MGAM: variants seen among roughly 807,000 people sequenced by gnomAD.
MGAM encodes the protein maltase-glucoamylase.
In MGAM, 253 loss-of-function variants were observed where a neutral mutation model predicts 358.8. The observed-to-expected ratio is 0.71, with a 90% CI of 0.64 to 0.78. The LOEUF (loss-of-function observed/expected upper bound fraction) is 0.78, where lower values mean the gene tolerates loss of function less well. Ranked by LOEUF, MGAM falls within the 30% of genes least tolerant of loss-of-function variation. MGAM has a pLI of 0.00. For synonymous variants in MGAM, 1,105 were observed against 1,227.1 expected (o/e 0.90, Z 2.08); for missense variants, 3,080 against 3,432.6 (o/e 0.90, Z 2.57).
upstream of MGAM, among the ~76,000 whole-genome samples, chr7:141,990,960 G>A (rs1287649179): frequency 1.3e-5 from 2 of 151,928 alleles, no homozygotes; most frequent in East Asian, 1.9e-4. Context: ...CTTTAGCATC[G>A]TAGCCATTTG....
At chr7:142,031,338 T>C (rs139040658) in intron 12 of MGAM, among the ~76,000 whole-genome samples, 280 of 152,306 alleles carry the variant, frequency 1.8e-3, no homozygotes, top group African/African-American at 6.4e-3. Flanking sequence ...CCACAGCTTA[T>C]AGTGGACTAG....
At chr7:142,050,572 A>G in intron 23 of MGAM, 125 bp from the exon 24 acceptor site, 2 of 1,016,632 alleles carry the variant, frequency 2.0e-6, no homozygotes, top group South Asian at 2.9e-5. Flanking sequence ...ACACACTAGT[A>G]GAGAAAGCAG....
chr7:142,008,303 TAGA>T (rs1805324137), intron 2 of MGAM, among the ~76,000 whole-genome samples, 200 bp from the exon 3 acceptor site: 1 of 151,678 alleles, frequency 6.6e-6, no homozygotes, highest in South Asian at 2.1e-4. Context: ...GAGTTGGGAG[TAGA>T]AGGAGATGAT....
At chr7:142,015,635 A>G (rs1805907362) in intron 3 of MGAM, among the ~76,000 whole-genome samples, 1 of 151,864 alleles carries the variant, frequency 6.6e-6, no homozygotes, top group African/African-American at 2.4e-5. Flanking sequence ...CATTGTTTTC[A>G]GTCTTGTACA....
chr7:141,998,556 T>C (rs1185604876), intron 1 of MGAM, among the ~76,000 whole-genome samples: 2 of 152,184 alleles, frequency 1.3e-5, no homozygotes, highest in Admixed American at 1.3e-4. Flanking sequence ...GGCTTCCAGT[T>C]TCATCCATGT....
intron 7 of MGAM, among the ~76,000 whole-genome samples, chr7:142,023,089 T>A (rs1396587770): frequency 6.6e-6 from 1 of 152,020 alleles, no homozygotes; most frequent in African/African-American, 2.4e-5. Flanking sequence ...TGAGATGGGG[T>A]CTCACTGTCA....
rs377157038 is a variant in MGAM at position 142,030,698 on chromosome 7, G to A, written c.1411G>A (p.Gly471Ser). 7 of 1,613,224 alleles carry A rather than the reference G, an allele frequency of 4.3e-6. No homozygotes were observed. The highest frequency in any genetic ancestry group is 5.9e-6 in the Non-Finnish European group (7 of 1,179,480). ...SSKPYGPYDR[G>S]SDMKIWVNSS... ...TAAACCCTATGGCCCATATGACAGG[G>A]GTTCAGATATGAAGATATGGGTGAA... Residue 471 changes from glycine (G) to serine (S), a missense_variant, in exon 12 of 71, where the codon GGT becomes AGT. Transcript: ENST00000475668.
chr7:142,022,574 A>G (rs894668969), intron 7 of MGAM, 135 bp downstream of exon 7: 15 of 937,918 alleles, frequency 1.6e-5, no homozygotes, highest in African/African-American at 1.5e-4. Flanking sequence ...TAGTCTTGCT[A>G]TTCACCAGTT....
intron 21 of MGAM, among the ~76,000 whole-genome samples, chr7:142,046,177 G>C (rs1051559511): frequency 4.3e-5 from 6 of 138,868 alleles, no homozygotes; most frequent in Non-Finnish European, 7.7e-5. Flanking sequence ...GTTTTGTTTT[G>C]TTTTTTGCTC....
intron 57 of MGAM, among the ~76,000 whole-genome samples, chr7:142,090,070 C>G (rs1230747014): frequency 6.9e-6 from 1 of 145,908 alleles, no homozygotes; most frequent in Non-Finnish European, 1.6e-5. Context: ...AAAAAGAGTG[C>G]TAGGTGATCC....
chr7:142,059,448 T>C (rs1460051176), intron 31 of MGAM, 24 bp from the exon 32 acceptor site: 1 of 1,600,990 alleles, frequency 6.2e-7, no homozygotes, highest in Non-Finnish European at 8.5e-7. Context: ...CAGCAGCCTC[T>C]CAGCTCCCCA....
rs886483308 is a variant in MGAM at position 142,027,813 on chromosome 7, T to C, written c.1221+78T>C. On this transcript the variant is annotated intron_variant, in intron 10 of 70. Coordinates refer to ENST00000475668, the MANE Select transcript of MGAM (RefSeq NM_001365693.1). ...AAAGAAAAACTGTTTATATTTTCTC[T>C]CCCTGAGTTTAATTGATTTATTTAT... is the stretch of plus-strand genomic sequence containing the variant. The C allele has an allele frequency of 2.6e-5, 35 of 1,366,248 alleles. No individual in the cohort carries two copies. The East Asian group carries it at 9.0e-4, about 35-fold the overall frequency. 84.6% of individuals were successfully genotyped at this position (1,366,248 alleles called of 1,614,324 possible). A position where few individuals can be genotyped will look rare whatever the true frequency, so the allele number is the denominator to read the frequency against.
intron 12 of MGAM, among the ~76,000 whole-genome samples, 165 bp from the exon 13 acceptor site, chr7:142,031,515 A>G (rs563216284): frequency 6.6e-6 from 1 of 152,304 alleles, no homozygotes; most frequent in Non-Finnish European, 1.5e-5. Context: ...TGACCCTGGC[A>G]TTTATTTTAA....
At chr7:141,999,338 T>C (rs1804543558) in intron 1 of MGAM, among the ~76,000 whole-genome samples, 1 of 152,194 alleles carries the variant, frequency 6.6e-6, no homozygotes, top group Non-Finnish European at 1.5e-5. Context: ...TTTTATTTGA[T>C]AAAACTATAA....
chr7:142,045,137 A>G (rs1809910534), intron 21 of MGAM, among the ~76,000 whole-genome samples: 1 of 66,804 alleles, frequency 1.5e-5, no homozygotes, highest in South Asian at 4.4e-4. Flanking sequence ...TAATATGTAT[A>G]TTATATATCA....
At chr7:142,018,413 C>G (rs1806139747) in intron 3 of MGAM, among the ~76,000 whole-genome samples, 1 of 152,216 alleles carries the variant, frequency 6.6e-6, no homozygotes, top group Non-Finnish European at 1.5e-5. Context: ...AAGACAGAAA[C>G]TTCAATCTTT....
chr7:142,042,148 TAA>T (rs1491367345), intron 21 of MGAM, among the ~76,000 whole-genome samples: 1 of 47,588 alleles, frequency 2.1e-5, no homozygotes, highest in East Asian at 7.3e-4. Context: ...ATATAACATA[TAA>T]TATATATACA....
At chr7:142,072,170 A>T (rs1345024199) in intron 44 of MGAM, among the ~76,000 whole-genome samples, 1 of 146,050 alleles carries the variant, frequency 6.8e-6, no homozygotes, top group Non-Finnish European at 1.5e-5. Context: ...AAAGTCTTTC[A>T]TTAATAGGGT....
chr7:142,083,293 A>G lies in MGAM; in HGVS notation c.6269-8A>G, dbSNP rs771922101. ...TCCAGCTTGATTAGCATTTTTCTTC[A>G]TTTTCAGATGTGACGTTCCAGCCCC... On this transcript the variant is annotated splice_region_variant and splice_polypyrimidine_tract_variant and intron_variant, in intron 52 of 70. Coordinates refer to ENST00000475668, the MANE Select transcript of MGAM (RefSeq NM_001365693.1). The G allele has an allele frequency of 7.2e-6, 11 of 1,536,746 alleles. No individual in the cohort carries two copies. In the African/African-American group the frequency reaches 1.5e-4, roughly 21 times the overall value.
Sources: gnomAD v4.1 joint callset for allele counts (sites outside exome capture counted in the v4.1 genomes callset) on GRCh38, gnomAD v4.1.1 for gene constraint, MANE v1.5 for transcripts, NCBI Gene and HGNC (gene_info 2026-07-23, HGNC 2026-07-21) for gene names.